NEDD4: variants seen among roughly 807,000 people sequenced by gnomAD.
The protein encoded by NEDD4 is E3 ubiquitin-protein ligase NEDD4.
A neutral mutation model predicts 144.9 loss-of-function variants in NEDD4; 99 were observed. The observed-to-expected ratio is 0.68, with a 90% CI of 0.58 to 0.81. NEDD4 has a LOEUF of 0.81. NEDD4 is among the 30% of genes least tolerant of loss of function. NEDD4 has a pLI of 0.00. For synonymous variants in NEDD4, 318 were observed against 350.6 expected (o/e 0.91, Z 1.04); for missense variants, 985 against 1,065.9 (o/e 0.92, Z 1.06).
rs148694822 is a variant in NEDD4 at position 55,977,820 on chromosome 15, C to A, written c.46-11274G>T. Among the ~76,000 whole-genome samples, 845 of 151,672 alleles carry A rather than the reference C, an allele frequency of 5.6e-3. 4 individuals carry two copies. Among genetic ancestry groups the A allele is most frequent in the African/African-American group, 0.019 (804 of 41,336 alleles). ...AGGCCAACTGAAATATTCCATGGGCCCTGATGGTCAAATTCTCACTATACC... is the reference window on the plus strand; with the variant it reads ...AGGCCAACTGAAATATTCCATGGGCACTGATGGTCAAATTCTCACTATACC... On this transcript the variant is annotated intron_variant, in intron 1 of 28. Transcript: ENST00000435532.
chr15:55,838,911 G>A (rs1274077048), intron 21 of NEDD4, among the ~76,000 whole-genome samples: 2 of 152,144 alleles, frequency 1.3e-5, no homozygotes, highest in Admixed American at 6.5e-5. Flanking sequence ...TCCAGTTAAA[G>A]GAATGAATAC....
chr15:55,843,584 T>A (rs2141990198), intron 18 of NEDD4, among the ~76,000 whole-genome samples: 1 of 152,280 alleles, frequency 6.6e-6, no homozygotes, highest in African/African-American at 2.4e-5. Context: ...AAACATGCCA[T>A]CAATATTCTG....
At chr15:55,929,264 G>C (rs1305800517) in intron 4 of NEDD4, among the ~76,000 whole-genome samples, 1 of 152,128 alleles carries the variant, frequency 6.6e-6, no homozygotes, top group African/African-American at 2.4e-5. Flanking sequence ...CCTCTTATTA[G>C]AGATTTTCTC....
chr15:55,938,300 G>C (rs9920158), intron 4 of NEDD4, among the ~76,000 whole-genome samples: 1 of 151,788 alleles, frequency 6.6e-6, no homozygotes, highest in African/African-American at 2.4e-5. Flanking sequence ...TGGTGGTTGC[G>C]GTGAGCCGAG....
intron 5 of NEDD4, 63 bp downstream of exon 5, chr15:55,924,583 C>T (rs988104804): frequency 7.7e-6 from 11 of 1,436,850 alleles, no homozygotes; most frequent in Non-Finnish European, 1.1e-5. Context: ...TACCCACTTC[C>T]CCTGGCTGCT....
At chr15:55,852,640 C>T in intron 12 of NEDD4, 97 bp from the exon 13 acceptor site, 33 of 973,726 alleles carry the variant, frequency 3.4e-5, no homozygotes, top group Non-Finnish European at 4.5e-5. Flanking sequence ...TACTCTCAGC[C>T]CCAAGCAACC....
chr15:55,884,853 A>T (rs2035329992), intron 5 of NEDD4, among the ~76,000 whole-genome samples: 1 of 152,240 alleles, frequency 6.6e-6, no homozygotes. Context: ...GTCTTTAAAG[A>T]AGTAGAGACA....
At position 55,968,006 on chromosome 15, in the gene NEDD4, A is replaced by G. The variant is rs113900813; in HGVS notation, c.46-1460T>C. On this transcript the variant is annotated intron_variant, in intron 1 of 28. Transcript: ENST00000435532. ...TGACAGAGCAAGACCTTATTTTAAA[A>G]AATTTATAAAATATTGAAGAATGTA... Among the ~76,000 whole-genome samples the G allele has an allele frequency of 5.7e-3, 870 of 152,334 alleles. 9 individuals are homozygous for G. The highest frequency in any genetic ancestry group is 0.02 in the African/African-American group (814 of 41,594).
chr15:55,901,540 G>T (rs1286255673), intron 5 of NEDD4, among the ~76,000 whole-genome samples: 1 of 152,104 alleles, frequency 6.6e-6, no homozygotes, highest in African/African-American at 2.4e-5. Flanking sequence ...TGGCTTAATT[G>T]TTAATAGGCT....
intron 26 of NEDD4, among the ~76,000 whole-genome samples, chr15:55,833,476 G>A (rs1283536925): frequency 1.3e-5 from 2 of 152,034 alleles, no homozygotes; most frequent in Non-Finnish European, 2.9e-5. Context: ...TGGCCAACAA[G>A]GTGAAACCCC....
At chr15:55,865,504 A>G (rs1274410747) in intron 8 of NEDD4, among the ~76,000 whole-genome samples, 3 of 151,986 alleles carry the variant, frequency 2.0e-5, no homozygotes, top group Non-Finnish European at 4.4e-5. Flanking sequence ...CATAAATTTG[A>G]TAACAAAACA....
At chr15:55,830,896 G>A (rs1358879991) in intron 27 of NEDD4, among the ~76,000 whole-genome samples, 2 of 152,004 alleles carry the variant, frequency 1.3e-5, no homozygotes, top group African/African-American at 2.4e-5. Flanking sequence ...TGTAGAGATG[G>A]GGGTCTCACT....
chr15:55,872,986 G>A (rs2142067300), intron 6 of NEDD4, among the ~76,000 whole-genome samples: 1 of 151,294 alleles, frequency 6.6e-6, no homozygotes, highest in East Asian at 1.9e-4. Context: ...TCACAAGACT[G>A]AAAAAGAAGT....
rs1371754476 is a variant in NEDD4 at position 55,960,194 on chromosome 15, A to C, written c.119+6279T>G. On this transcript the variant is annotated intron_variant, in intron 2 of 28. Transcript: ENST00000435532. ...TCTGTGATGGGTAATATTGAGTGTC[A>C]ACTTCATTAGACTGAAGGATGCAAA... Among the ~76,000 whole-genome samples the C allele has an allele frequency of 2.0e-5, 3 of 152,344 alleles. No individual in the cohort carries two copies. In the East Asian group the frequency reaches 5.8e-4, roughly 29 times the overall value.
At chr15:55,988,664 C>T (rs1400011027) in intron 1 of NEDD4, among the ~76,000 whole-genome samples, 1 of 152,000 alleles carries the variant, frequency 6.6e-6, no homozygotes, top group Non-Finnish European at 1.5e-5. Flanking sequence ...GATTGAATGG[C>T]ATTGTTGTAT....
chr15:55,974,766 A>G (rs1451595601), intron 1 of NEDD4, among the ~76,000 whole-genome samples: 3 of 151,722 alleles, frequency 2.0e-5, no homozygotes, highest in East Asian at 1.9e-4. Flanking sequence ...TAGATGGAAC[A>G]TAGCTCAACA....
intron 4 of NEDD4, among the ~76,000 whole-genome samples, chr15:55,930,479 T>C (rs535091465): frequency 6.6e-6 from 1 of 152,310 alleles, no homozygotes; most frequent in Admixed American, 6.5e-5. Flanking sequence ...TCACTCTAGG[T>C]GACCTTCCAT....
intron 4 of NEDD4, among the ~76,000 whole-genome samples, chr15:55,949,743 T>C (rs534220822): frequency 1.5e-4 from 23 of 152,148 alleles, no homozygotes; most frequent in South Asian, 4.2e-4. Context: ...TAGGTGGGAA[T>C]TGAACAATGA....
intron 5 of NEDD4, among the ~76,000 whole-genome samples, chr15:55,887,228 TAAAC>T (rs1209348952): frequency 1.3e-5 from 2 of 150,752 alleles, no homozygotes; most frequent in African/African-American, 2.4e-5. Flanking sequence ...TAAAAAAAGA[TAAAC>T]AAAATTAACA....
Sources: gnomAD v4.1 joint callset for allele counts (sites outside exome capture counted in the v4.1 genomes callset) on GRCh38, gnomAD v4.1.1 for gene constraint, MANE v1.5 for transcripts, NCBI Gene and HGNC (gene_info 2026-07-23, HGNC 2026-07-21) for gene names.